The following CSMD1 variants were observed in gnomAD, a reference collection of about 807,000 sequenced individuals.
CSMD1 encodes the protein CUB and Sushi multiple domains 1, also known as CUB and sushi domain-containing protein 1.
In CSMD1, 213 loss-of-function variants were observed where a neutral mutation model predicts 417.5. The ratio of observed to expected loss-of-function variants is 0.51; its 90% confidence interval spans 0.46 to 0.57. The LOEUF (loss-of-function observed/expected upper bound fraction) is 0.57, where lower values mean the gene tolerates loss of function less well. CSMD1 is among the 20% of genes least tolerant of loss of function. The pLI is 0.00. For missense variants in CSMD1, 6,923 were observed against 4,529.7 expected, an observed-to-expected ratio of 1.53 and a Z score of -15.17; for synonymous variants, 2,862 against 1,736.8, an observed-to-expected ratio of 1.65 and a Z score of -16.11.
intron 6 of CSMD1, among the ~76,000 whole-genome samples, chr8:3,718,130 C>A (rs1236521369): frequency 6.6e-6 from 1 of 152,122 alleles, no homozygotes; most frequent in African/African-American, 2.4e-5. Context: ...TTGGATCATT[C>A]TTTGGGATAA....
chr8:4,945,376 C>T (rs1253361236), intron 1 of CSMD1, among the ~76,000 whole-genome samples: 1 of 151,562 alleles, frequency 6.6e-6, no homozygotes, highest in Non-Finnish European at 1.5e-5. Context: ...AACTGCCTGC[C>T]GAAAAATAGT....
chr8:4,820,721 A>T (rs1563492935), intron 1 of CSMD1, among the ~76,000 whole-genome samples: 1 of 152,186 alleles, frequency 6.6e-6, no homozygotes, highest in Non-Finnish European at 1.5e-5. Context: ...TCATGGACTA[A>T]TAAGGATCTA....
chr8:4,305,124 A>G (rs988162639), intron 3 of CSMD1, among the ~76,000 whole-genome samples: 1 of 152,192 alleles, frequency 6.6e-6, no homozygotes, highest in Non-Finnish European at 1.5e-5. Flanking sequence ...CAAAAATAAT[A>G]TTGCGGATAC....
chr8:4,385,281 A>G (rs561882312), intron 3 of CSMD1, among the ~76,000 whole-genome samples: 10 of 152,284 alleles, frequency 6.6e-5, no homozygotes, highest in African/African-American at 2.4e-4. Flanking sequence ...AGGCTTTCAA[A>G]ATACTATCTG....
Position 3,399,541 on chromosome 8 carries a change from C to G in CSMD1, c.2267-12G>C. On this transcript the variant is annotated splice_polypyrimidine_tract_variant and intron_variant, in intron 15 of 69. Coordinates refer to ENST00000635120, the MANE Select transcript of CSMD1 (RefSeq NM_033225.6). ...TCCACCACATGGAGCTAAAACAAGA[C>G]GTAGAATATCTATTAGATCCAATGA... 6.4e-7 allele frequency: 1 copy of G among 1,567,920 alleles called. No homozygotes were observed. The highest frequency in any genetic ancestry group is 1.2e-5 in the South Asian group (1 of 81,212).
chr8:4,981,085 C>G (rs1251721296), intron 1 of CSMD1, among the ~76,000 whole-genome samples: 1 of 152,146 alleles, frequency 6.6e-6, no homozygotes, highest in Non-Finnish European at 1.5e-5. Flanking sequence ...TGCATCTTTG[C>G]AGATATTTCC....
intron 2 of CSMD1, among the ~76,000 whole-genome samples, chr8:4,552,228 T>C (rs1009814970): frequency 1.3e-5 from 2 of 152,142 alleles, no homozygotes; most frequent in African/African-American, 4.8e-5. Context: ...AATGTGAGCC[T>C]CCCTTTCAAG....
chr8:3,367,725 A>G (rs1405708135), intron 19 of CSMD1, among the ~76,000 whole-genome samples: 2 of 152,236 alleles, frequency 1.3e-5, no homozygotes, highest in African/African-American at 4.8e-5. Flanking sequence ...TGTGGACATC[A>G]ATATTGAGGA....
chr8:3,556,419 A>ATATATATATT (rs1211530784), intron 10 of CSMD1, among the ~76,000 whole-genome samples: 1 of 146,002 alleles, frequency 6.8e-6, no homozygotes, highest in African/African-American at 2.5e-5. Flanking sequence ...ATATATTCAC[A>ATATATATATT]CACACAAAGA....
intron 1 of CSMD1, among the ~76,000 whole-genome samples, chr8:4,651,542 T>C (rs887809410): frequency 6.6e-6 from 1 of 152,148 alleles, no homozygotes; most frequent in Non-Finnish European, 1.5e-5. Context: ...CTAATCAGAG[T>C]CATAATTTAC....
intron 42 of CSMD1, among the ~76,000 whole-genome samples, chr8:3,112,405 C>G (rs1259086751): frequency 6.6e-6 from 1 of 152,016 alleles, no homozygotes; most frequent in East Asian, 1.9e-4. Flanking sequence ...GTTGGGAAAA[C>G]AAAACAAAAA....
chr8:4,382,540 A>C (rs780884468), intron 3 of CSMD1, among the ~76,000 whole-genome samples: 9 of 152,246 alleles, frequency 5.9e-5, no homozygotes, highest in Non-Finnish European at 1.2e-4. Flanking sequence ...AAAAAGGATT[A>C]TAAAAAACCC....
At chr8:3,982,798 G>A (rs1429517605) in intron 5 of CSMD1, among the ~76,000 whole-genome samples, 1 of 152,162 alleles carries the variant, frequency 6.6e-6, no homozygotes, top group African/African-American at 2.4e-5. Context: ...GCAAGAATCC[G>A]CTGGAGGATT....
At chr8:3,386,461 C>A (rs187200482) in intron 18 of CSMD1, among the ~76,000 whole-genome samples, 9 of 152,320 alleles carry the variant, frequency 5.9e-5, no homozygotes, top group African/African-American at 2.2e-4. Flanking sequence ...TCTGTGGTCT[C>A]GGCCACAGTG....
intron 4 of CSMD1, among the ~76,000 whole-genome samples, chr8:4,016,540 G>A (rs942835903): frequency 3.3e-5 from 5 of 152,104 alleles, no homozygotes; most frequent in Non-Finnish European, 7.3e-5. Flanking sequence ...GCTATGAGAA[G>A]GAAAGAGGAG....
intron 2 of CSMD1, among the ~76,000 whole-genome samples, chr8:4,442,981 C>G (rs1356113928): frequency 1.3e-5 from 2 of 152,128 alleles, no homozygotes; most frequent in Non-Finnish European, 1.5e-5. Context: ...AAAATAGTGT[C>G]ATTGCTTTAA....
chr8:3,724,444 C>T (rs976734807), intron 6 of CSMD1, among the ~76,000 whole-genome samples: 1 of 152,086 alleles, frequency 6.6e-6, no homozygotes. Flanking sequence ...TTAAAATTTT[C>T]TCTCAATGTA....
chr8:3,839,112 G>C (rs980463951), intron 5 of CSMD1, among the ~76,000 whole-genome samples: 4 of 120,688 alleles, frequency 3.3e-5, no homozygotes, highest in African/African-American at 1.2e-4. Flanking sequence ...TATATATATA[G>C]TCTATATGTA....
At chr8:3,588,278 C>T (rs1800691230) in intron 8 of CSMD1, among the ~76,000 whole-genome samples, 1 of 151,552 alleles carries the variant, frequency 6.6e-6, no homozygotes, top group South Asian at 2.1e-4. Flanking sequence ...ATATAGATAA[C>T]ATAATAGTTA....
Sources: allele counts gnomAD v4.1 joint callset (sites outside exome capture counted in the v4.1 genomes callset), GRCh38; gene constraint gnomAD v4.1.1; transcripts MANE v1.5; gene names NCBI Gene and HGNC (gene_info 2026-07-23, HGNC 2026-07-21).